The following ASNS variants were observed in gnomAD, a reference collection of about 807,000 sequenced individuals.
The protein encoded by ASNS is asparagine synthetase (glutamine-hydrolyzing).
ASNS carries 37 observed loss-of-function variants against 62.6 expected under a neutral mutation model. The ratio of observed to expected loss-of-function variants is 0.59; its 90% CI spans 0.45 to 0.78. ASNS has a LOEUF of 0.78. ASNS is among the 30% of genes least tolerant of loss of function. The pLI is 0.00. For synonymous variants in ASNS, 207 were observed against 237.9 expected, an observed-to-expected ratio of 0.87 and a Z score of 1.19; for missense variants, 520 against 682.4, an observed-to-expected ratio of 0.76 and a Z score of 2.65.
Position 97,865,373 on chromosome 7 carries a change from G to A in ASNS, c.250-877C>T, listed in dbSNP as rs1464799316. ...CTTTTTCAGGTGAGAAGAAACATCA[G>A]AAGCAGCTGAGCAACTAGGAAGCGG... On this transcript the variant is annotated intron_variant, in intron 3 of 12. Coordinates refer to ENST00000394308, the MANE Select transcript of ASNS (RefSeq NM_001673.5). Among the ~76,000 whole-genome samples, 19 of 152,104 alleles carry A rather than the reference G, an allele frequency of 1.2e-4. 1 individual carries two copies. The highest frequency in any genetic ancestry group is 1.2e-3 in the Admixed American group (19 of 15,270).
the ASNS span, among the ~76,000 whole-genome samples, chr7:97,909,727 AAAC>A: frequency 1.3e-5 from 2 of 152,284 alleles, no homozygotes; most frequent in South Asian, 4.1e-4. Context: ...GGTGACACAG[AAAC>A]ATTTCCCCCA....
the ASNS span, chr7:97,898,431 C>A: frequency 1.9e-6 from 1 of 519,516 alleles, no homozygotes; most frequent in Non-Finnish European, 3.6e-6. Flanking sequence ...AGAACTACTA[C>A]CTTCACCACG....
chr7:97,892,146 C>A, the ASNS span, among the ~76,000 whole-genome samples: 1 of 152,260 alleles, frequency 6.6e-6, no homozygotes, highest in Non-Finnish European at 1.5e-5. Context: ...AGGCTCAACA[C>A]TATGTGGAAG....
intron 4 of ASNS, among the ~76,000 whole-genome samples, chr7:97,860,075 T>A (rs563155245): frequency 1.3e-5 from 2 of 152,192 alleles, no homozygotes; most frequent in Non-Finnish European, 2.9e-5. Flanking sequence ...ATACTCGTGA[T>A]TTACAATTTG....
chr7:97,853,680 T>G (rs943440439), intron 10 of ASNS, among the ~76,000 whole-genome samples: 9 of 152,166 alleles, frequency 5.9e-5, no homozygotes, highest in Non-Finnish European at 1.3e-4. Context: ...GCAGAAAAAG[T>G]TACAAAACAT....
At chr7:97,883,100 A>C in the ASNS span, among the ~76,000 whole-genome samples, 3 of 152,208 alleles carry the variant, frequency 2.0e-5, no homozygotes, top group African/African-American at 4.8e-5. Context: ...GTGCACATCT[A>C]AACAGATTTA....
the ASNS span, among the ~76,000 whole-genome samples, chr7:97,907,834 TATAATC>T: frequency 6.7e-6 from 1 of 149,394 alleles, no homozygotes; most frequent in Non-Finnish European, 1.5e-5. Context: ...GGAAATAGAG[TATAATC>T]CAAGAATTTT....
upstream of ASNS, among the ~76,000 whole-genome samples, chr7:97,877,070 A>G (rs202170620): frequency 1.3e-5 from 2 of 151,038 alleles, no homozygotes; most frequent in African/African-American, 4.9e-5. Context: ...ACTTCCATCA[A>G]TGGTCAAAAG....
chr7:97,916,255 CCTG>C, the ASNS span, among the ~76,000 whole-genome samples: 31 of 152,134 alleles, frequency 2.0e-4, no homozygotes, highest in Middle Eastern at 6.8e-3. Context: ...GTTGTGGGTG[CCTG>C]TAGTCCCAGC....
chr7:97,857,616 T>TTA (rs1791508111), intron 7 of ASNS, among the ~76,000 whole-genome samples: 1 of 116,150 alleles, frequency 8.6e-6, no homozygotes. Flanking sequence ...CCTTTACGTT[T>TTA]AAAAAAAAAA....
At chr7:97,874,017 CAA>C (rs1266590148), upstream of ASNS, among the ~76,000 whole-genome samples, 4 of 152,054 alleles carry the variant, frequency 2.6e-5, no homozygotes, top group Non-Finnish European at 5.9e-5. Flanking sequence ...CCGGTCTGAC[CAA>C]AGTTTATTAG....
the ASNS span, among the ~76,000 whole-genome samples, chr7:97,894,480 C>CAAAAAAAAAAAAAA: frequency 1.1e-4 from 4 of 36,542 alleles, no homozygotes; most frequent in Non-Finnish European, 1.4e-4. Flanking sequence ...TGAGGCTAAC[C>CAAAAAAAAAAAAAA]AAAAAAAAAA....
chr7:97,861,421 C>T (rs1326804313), intron 4 of ASNS, among the ~76,000 whole-genome samples: 3 of 152,172 alleles, frequency 2.0e-5, no homozygotes, highest in African/African-American at 7.2e-5. Flanking sequence ...AGTTTTCAAA[C>T]TTCTTTCTCC....
intron 4 of ASNS, among the ~76,000 whole-genome samples, chr7:97,861,739 G>A (rs1791729475): frequency 6.6e-6 from 1 of 152,206 alleles, no homozygotes; most frequent in South Asian, 2.1e-4. Context: ...AGTTAAATCT[G>A]TAAATCAGTT....
At chr7:97,902,092 C>T in the ASNS span, among the ~76,000 whole-genome samples, 1 of 152,192 alleles carries the variant, frequency 6.6e-6, no homozygotes, top group Non-Finnish European at 1.5e-5. Context: ...TCAGCAAAGT[C>T]CATTTGGAAA....
Position 97,853,203 on chromosome 7 carries a change from T to C in ASNS, c.1333A>G (p.Lys445Glu), listed in dbSNP as rs770953382. 6.2e-7 allele frequency: 1 copy of C among 1,606,906 alleles called. No individual in the cohort carries two copies. Among genetic ancestry groups the C allele is most frequent in the Non-Finnish European group, 8.5e-7 (1 of 1,177,092 alleles). ...TCAAACGTCTCTCTCAGGAGATGTT[T>C]TTCTATCCCATTCTGACGTGACAAA... ...EMRIPKNGIEKHLLRETFEDS... is the reference protein window; with the variant it reads ...EMRIPKNGIEEHLLRETFEDS... The change falls in exon 12 of 13, where the codon AAA (lysine) becomes GAA (glutamate). Residue 445 changes from lysine (K) to glutamate (E), a missense_variant. By Grantham distance (56) the Lys-to-Glu change is moderately conservative. Coordinates refer to ENST00000394308, the MANE Select transcript of ASNS (RefSeq NM_001673.5).
At chr7:97,881,974 C>G in the ASNS span, among the ~76,000 whole-genome samples, 1 of 151,992 alleles carries the variant, frequency 6.6e-6, no homozygotes, top group African/African-American at 2.4e-5. Context: ...GCCTCAGCCT[C>G]TTAAGTAGCT....
the ASNS span, among the ~76,000 whole-genome samples, chr7:97,924,550 G>A: frequency 9.5e-4 from 144 of 152,318 alleles, no homozygotes; most frequent in African/African-American, 3.2e-3. Flanking sequence ...ACCCTGTCTC[G>A]GACAGCCAGC....
intron 3 of ASNS, among the ~76,000 whole-genome samples, chr7:97,864,761 T>C (rs1791887034): frequency 6.6e-6 from 1 of 152,158 alleles, no homozygotes; most frequent in Admixed American, 6.5e-5. Context: ...CAGTAACCTG[T>C]GGAGGGATGG....
Sources: allele counts gnomAD v4.1 joint callset (sites outside exome capture counted in the v4.1 genomes callset), GRCh38; gene constraint gnomAD v4.1.1; transcripts MANE v1.5; gene names NCBI Gene and HGNC (gene_info 2026-07-23, HGNC 2026-07-21).